The following TANC2 variants were observed in gnomAD, a reference collection of about 807,000 sequenced individuals.
The protein encoded by TANC2 is protein TANC2.
A neutral mutation model predicts 210.5 loss-of-function variants in TANC2; 26 were observed. The ratio of observed to expected loss-of-function variants is 0.12; its 90% CI spans 0.09 to 0.17. TANC2 has a LOEUF of 0.17. Ranked by LOEUF, TANC2 falls within the 10% of genes least tolerant of loss-of-function variation. TANC2 has a pLI of 1.00. For synonymous variants in TANC2, 931 were observed against 967.1 expected, an observed-to-expected ratio of 0.96 and a Z score of 0.69; for missense variants, 2,129 against 2,608.9, an observed-to-expected ratio of 0.82 and a Z score of 4.01.
chr17:63,077,807 A>G (rs1404505292), intron 3 of TANC2, among the ~76,000 whole-genome samples: 1 of 152,158 alleles, frequency 6.6e-6, no homozygotes, highest in African/African-American at 2.4e-5. Flanking sequence ...AAATAGCTTC[A>G]TTATTTATTT....
chr17:63,097,587 A>G (rs1163885306), intron 3 of TANC2, among the ~76,000 whole-genome samples: 1 of 152,184 alleles, frequency 6.6e-6, no homozygotes, highest in Non-Finnish European at 1.5e-5. Flanking sequence ...CAAAAAAAAA[A>G]AAAAAGTAAT....
chr17:63,168,758 T>C (rs149460735), intron 5 of TANC2, among the ~76,000 whole-genome samples: 3 of 152,188 alleles, frequency 2.0e-5, no homozygotes, highest in Non-Finnish European at 2.9e-5. Flanking sequence ...TTCCTTACTT[T>C]TTTTTAGAAG....
chr17:63,024,429 G>A (rs983981327), intron 2 of TANC2, among the ~76,000 whole-genome samples: 1 of 152,176 alleles, frequency 6.6e-6, no homozygotes, highest in Non-Finnish European at 1.5e-5. Context: ...GTAGCAGTGA[G>A]GATGCCCAGA....
intron 9 of TANC2, among the ~76,000 whole-genome samples, chr17:63,303,929 A>G (rs2044809193): frequency 1.3e-5 from 2 of 151,752 alleles, no homozygotes; most frequent in Admixed American, 1.3e-4. Flanking sequence ...TGTGTTTTTC[A>G]GCTCCATCAG....
chr17:63,114,417 G>C (rs1055605049), intron 4 of TANC2, among the ~76,000 whole-genome samples: 1 of 152,146 alleles, frequency 6.6e-6, no homozygotes, highest in Non-Finnish European at 1.5e-5. Context: ...TGAAGTAGTT[G>C]GCTGATGTAT....
intron 3 of TANC2, among the ~76,000 whole-genome samples, chr17:63,096,715 A>G (rs1476623934): frequency 6.6e-5 from 10 of 152,124 alleles, no homozygotes; most frequent in Admixed American, 5.9e-4. Flanking sequence ...GTGAACGTTC[A>G]TGTTCAAGTT....
At chr17:63,170,584 A>G (rs1489955553) in intron 5 of TANC2, among the ~76,000 whole-genome samples, 1 of 152,178 alleles carries the variant, frequency 6.6e-6, no homozygotes, top group Non-Finnish European at 1.5e-5. Context: ...GCACACACAT[A>G]CTAAAGTATG....
chr17:63,247,087 T>C (rs2042938601), intron 8 of TANC2, among the ~76,000 whole-genome samples: 1 of 152,142 alleles, frequency 6.6e-6, no homozygotes, highest in Non-Finnish European at 1.5e-5. Context: ...ATTTATTCTT[T>C]AGTGAAATAT....
At chr17:63,271,876 A>G (rs2043721485) in intron 9 of TANC2, among the ~76,000 whole-genome samples, 2 of 151,994 alleles carry the variant, frequency 1.3e-5, no homozygotes, top group Admixed American at 1.3e-4. Flanking sequence ...ATCGTTTGCA[A>G]AATTTTCTCC....
intron 19 of TANC2, among the ~76,000 whole-genome samples, chr17:63,402,305 C>T (rs2048367129): frequency 2.0e-5 from 3 of 152,176 alleles, no homozygotes; most frequent in Admixed American, 6.5e-5. Flanking sequence ...TCCTCTGTGC[C>T]TTCCCTCATA....
At chr17:63,055,996 T>A (rs1276530095) in intron 2 of TANC2, among the ~76,000 whole-genome samples, 146 of 20,754 alleles carry the variant, frequency 7.0e-3, no homozygotes, top group African/African-American at 0.019. Flanking sequence ...AAAAAATATA[T>A]ATATATATAT....
intron 25 of TANC2, among the ~76,000 whole-genome samples, chr17:63,413,861 A>G (rs1285976827): frequency 1.3e-5 from 2 of 152,246 alleles, no homozygotes; most frequent in East Asian, 3.9e-4. Flanking sequence ...CCCTGGTTTC[A>G]CCTGGTCACT....
At chr17:63,276,782 G>A (rs1213637015) in intron 9 of TANC2, among the ~76,000 whole-genome samples, 1 of 152,074 alleles carries the variant, frequency 6.6e-6, no homozygotes, top group Non-Finnish European at 1.5e-5. Flanking sequence ...AAAAGTGATA[G>A]CATACATTTA....
rs1263035668 is a variant in TANC2 at position 63,418,586 on chromosome 17, G to A, written c.4268+179G>A. On this transcript the variant is annotated intron_variant, in intron 27 of 27. Coordinates refer to ENST00000689528, the Ensembl canonical transcript of TANC2. This position sits in a 1 kb window ranked among gnomAD's most constrained non-coding sequence, Gnocchi z 4.6. ...CCCTCAGCTCAAGATCAGCAAATCT[G>A]CTGGGCTGTGGAGGCCACGAATGTT... is the stretch of plus-strand genomic sequence containing the variant. Among the ~76,000 whole-genome samples, 1 of 152,208 alleles carries A rather than the reference G, an allele frequency of 6.6e-6. No individual in the cohort carries two copies. The highest frequency in any genetic ancestry group is 1.5e-5 in the Non-Finnish European group (1 of 68,034).
In TANC2 at chr17:63,284,318, T is replaced by C. The variant is rs529354956; in HGVS notation, c.1159+16445T>C. Reference sequence around the variant, plus strand: ...TACTTGGTCATGACTTTTTAATATATTGATGGATTCAATTTGCTGCAATTT... The same window carrying C: ...TACTTGGTCATGACTTTTTAATATACTGATGGATTCAATTTGCTGCAATTT... On this transcript the variant is annotated intron_variant, in intron 9 of 27. Transcript: ENST00000689528. 3.3e-5 allele frequency among the ~76,000 whole-genome samples: 5 copies of C among 152,130 alleles called. No homozygotes were observed. The East Asian group carries it at 7.7e-4, about 23-fold the overall frequency.
intron 9 of TANC2, among the ~76,000 whole-genome samples, chr17:63,299,027 G>A (rs1483694387): frequency 6.6e-6 from 1 of 152,028 alleles, no homozygotes; most frequent in Non-Finnish European, 1.5e-5. Context: ...GCAGTGTTTG[G>A]TTTTCTGTTC....
chr17:63,329,326 A>G (rs1362393054), intron 11 of TANC2, among the ~76,000 whole-genome samples: 1 of 152,136 alleles, frequency 6.6e-6, no homozygotes, highest in Non-Finnish European at 1.5e-5. Flanking sequence ...GGAAAAAAAT[A>G]AACAGACAAC....
At chr17:63,039,542 A>T (rs1215329540) in intron 2 of TANC2, among the ~76,000 whole-genome samples, 1 of 152,056 alleles carries the variant, frequency 6.6e-6, no homozygotes, top group Non-Finnish European at 1.5e-5. Context: ...GACTCTGCTG[A>T]CTCCAGTACA....
intron 12 of TANC2, among the ~76,000 whole-genome samples, chr17:63,344,556 GTCTT>G (rs1257493301): frequency 1.3e-5 from 2 of 152,128 alleles, no homozygotes; most frequent in East Asian, 3.8e-4. Flanking sequence ...AAGTAAAACT[GTCTT>G]TATTTGCAGA....
Sources: gnomAD v4.1 joint callset for allele counts (sites outside exome capture counted in the v4.1 genomes callset) on GRCh38, gnomAD v4.1.1 for gene constraint, Gnocchi (gnomAD v3.1) non-coding constraint, MANE v1.5 for transcripts, NCBI Gene and HGNC (gene_info 2026-07-23, HGNC 2026-07-21) for gene names.